PPP2R2C: variants seen among roughly 807,000 people sequenced by gnomAD.
PPP2R2C encodes the protein protein phosphatase 2 regulatory subunit Bgamma, also known as protein phosphatase 2, regulatory subunit B, gamma.
Under a neutral mutation model 45.3 loss-of-function variants are expected in PPP2R2C, and 10 were observed. The ratio of observed to expected loss-of-function variants is 0.22; its 90% CI spans 0.14 to 0.37. The LOEUF is 0.37. PPP2R2C is among the 10% of genes least tolerant of loss of function. The probability of loss-of-function intolerance (pLI) is 1.00; values close to 1 mark genes in which losing one functional copy is unlikely to be tolerated. For missense variants in PPP2R2C, 308 were observed against 619.7 expected (o/e 0.50, Z 5.34); for synonymous variants, 257 against 245.4 (o/e 1.05, Z -0.44).
intron 1 of PPP2R2C, among the ~76,000 whole-genome samples, chr4:6,418,816 C>T (rs550195723): frequency 6.6e-6 from 1 of 152,334 alleles, no homozygotes; most frequent in South Asian, 2.1e-4. Flanking sequence ...AGAAACGTTC[C>T]TCATTCTTCA....
chr4:6,501,514 G>A (rs1723054986), intron 2 of PPP2R2C, among the ~76,000 whole-genome samples: 1 of 152,224 alleles, frequency 6.6e-6, no homozygotes, highest in Non-Finnish European at 1.5e-5. Context: ...CCCCAGGGAG[G>A]AGAATCTCAT....
intron 1 of PPP2R2C, among the ~76,000 whole-genome samples, chr4:6,441,946 C>A (rs1468740307): frequency 6.6e-6 from 1 of 152,258 alleles, no homozygotes; most frequent in Non-Finnish European, 1.5e-5. Context: ...CTTCTCCGCC[C>A]TACTCCTGCA....
intron 1 of PPP2R2C, among the ~76,000 whole-genome samples, chr4:6,551,658 C>A (rs1725188880): frequency 6.6e-6 from 1 of 152,214 alleles, no homozygotes; most frequent in African/African-American, 2.4e-5. Flanking sequence ...GAAGGAGTCC[C>A]ACCACCCTGG....
chr4:6,501,345 AT>A (rs1338266287), intron 2 of PPP2R2C, among the ~76,000 whole-genome samples: 1 of 152,110 alleles, frequency 6.6e-6, no homozygotes, highest in African/African-American at 2.4e-5. Flanking sequence ...CCTCATCTGC[AT>A]CAGGGATGGA....
At chr4:6,512,113 A>G (rs868589805) in intron 2 of PPP2R2C, among the ~76,000 whole-genome samples, 585 of 14,114 alleles carry the variant, frequency 0.041, no homozygotes, top group Middle Eastern at 0.12. Context: ...GGTGGTGGTG[A>G]TGGTGGGGGT....
intron 2 of PPP2R2C, among the ~76,000 whole-genome samples, chr4:6,499,347 C>T (rs988162612): frequency 2.6e-5 from 4 of 152,114 alleles, no homozygotes; most frequent in Non-Finnish European, 4.4e-5. Context: ...CGCAACCCTG[C>T]CCCCTTCAGC....
chr4:6,327,946 C>A (rs541811039), intron 8 of PPP2R2C, among the ~76,000 whole-genome samples: 37 of 151,942 alleles, frequency 2.4e-4, no homozygotes, highest in African/African-American at 8.7e-4. Flanking sequence ...CAGGGGGCTC[C>A]CTCCTGGTCC....
At chr4:6,373,744 A>G (rs906352644) in intron 4 of PPP2R2C, among the ~76,000 whole-genome samples, 1 of 152,224 alleles carries the variant, frequency 6.6e-6, no homozygotes. Context: ...TTTGGAGCAG[A>G]GGCAGCTCTG....
At chr4:6,455,027 G>A (rs4689446) in intron 1 of PPP2R2C, among the ~76,000 whole-genome samples, 149,895 of 152,260 alleles carry the variant, frequency 0.98, 73,831 homozygotes, top group Middle Eastern at 1. Context: ...ACCTATCAAG[G>A]GATAATGAAC....
intron 2 of PPP2R2C, among the ~76,000 whole-genome samples, chr4:6,522,555 T>G (rs1378465991): frequency 6.6e-6 from 1 of 152,254 alleles, no homozygotes; most frequent in Non-Finnish European, 1.5e-5. Context: ...ATGGCAGGGC[T>G]GGGGCCCCCG....
chr4:6,421,155 A>C, intron 1 of PPP2R2C: 1 of 983,504 alleles, frequency 1.0e-6, no homozygotes, highest in Non-Finnish European at 1.2e-6. Context: ...ATCACACACC[A>C]CTTCCTGGTT....
chr4:6,508,937 C>T (rs1723333343), intron 2 of PPP2R2C, among the ~76,000 whole-genome samples: 2 of 152,220 alleles, frequency 1.3e-5, no homozygotes, highest in African/African-American at 4.8e-5. Flanking sequence ...TCAAACAGCA[C>T]ACTTGGCCCT....
intron 1 of PPP2R2C, among the ~76,000 whole-genome samples, chr4:6,553,460 G>T (rs1015125525): frequency 6.6e-6 from 1 of 152,192 alleles, no homozygotes; most frequent in Non-Finnish European, 1.5e-5. Flanking sequence ...AAGGCACGGG[G>T]TCCCACCAGC....
chr4:6,367,777 C>G (rs570314953), intron 5 of PPP2R2C, among the ~76,000 whole-genome samples: 1 of 152,178 alleles, frequency 6.6e-6, no homozygotes, highest in African/African-American at 2.4e-5. Context: ...GGGAGCCAAG[C>G]GGCAACAGGC....
At chr4:6,349,902 C>G (rs1246899935) in intron 5 of PPP2R2C, 11 of 985,204 alleles carry the variant, frequency 1.1e-5, no homozygotes, top group Non-Finnish European at 1.3e-5. Flanking sequence ...AAAAAGCAAG[C>G]AAGCAGTATT....
At chr4:6,518,989 A>C (rs1428834232) in intron 2 of PPP2R2C, among the ~76,000 whole-genome samples, 1 of 151,924 alleles carries the variant, frequency 6.6e-6, no homozygotes, top group Non-Finnish European at 1.5e-5. Flanking sequence ...AATGGAACCA[A>C]CAATTTAATA....
At position 6,329,963 on chromosome 4, in the gene PPP2R2C, G is replaced by A. The variant is rs187462883; in HGVS notation, c.961-610C>T. 5.0e-4 allele frequency among the ~76,000 whole-genome samples: 76 copies of A among 152,254 alleles called. No homozygotes were observed. The highest frequency in any genetic ancestry group is 1.0e-3 in the Admixed American group (16 of 15,292). ...AGGCCTTTTGAGGGTAATGATCTCC[G>A]AGAACACAGGGTGGCGGCCATCAAG... On this transcript the variant is annotated intron_variant, in intron 7 of 8. Coordinates refer to ENST00000382599, the MANE Select transcript of PPP2R2C (RefSeq NM_020416.4). This position sits in a 1 kb window ranked among gnomAD's most constrained non-coding sequence, Gnocchi z 5.8.
chr4:6,504,977 GA>G (rs1723174723), intron 2 of PPP2R2C, among the ~76,000 whole-genome samples: 1 of 151,972 alleles, frequency 6.6e-6, no homozygotes, highest in Non-Finnish European at 1.5e-5. Context: ...AAAACACAAA[GA>G]AAACCACATA....
chr4:6,326,880 C>G (rs1045732679), intron 8 of PPP2R2C, among the ~76,000 whole-genome samples: 1 of 152,234 alleles, frequency 6.6e-6, no homozygotes, highest in Non-Finnish European at 1.5e-5. Flanking sequence ...GCCGGACCAA[C>G]TGTCAGAGGG....
Sources: allele counts gnomAD v4.1 joint callset (sites outside exome capture counted in the v4.1 genomes callset), GRCh38; gene constraint gnomAD v4.1.1; non-coding constraint Gnocchi (gnomAD v3.1); transcripts MANE v1.5; gene names NCBI Gene and HGNC (gene_info 2026-07-23, HGNC 2026-07-21).